SNTG2: variants seen among roughly 807,000 people sequenced by gnomAD.
SNTG2 encodes syntrophin gamma 2, also known as gamma-2-syntrophin.
Under a neutral mutation model 70.9 loss-of-function variants are expected in SNTG2, and 74 were observed. That is an observed-to-expected ratio of 1.04 (90% confidence interval 0.86 to 1.27). SNTG2 has a LOEUF of 1.27. SNTG2 is among the 50% of genes most tolerant of loss of function. SNTG2 has a pLI of 0.00. For missense variants in SNTG2, 717 were observed against 690.7 expected (o/e 1.04, Z -0.43); for synonymous variants, 278 against 273.8 (o/e 1.02, Z -0.15).
rs1553353460 is a variant in SNTG2, at chr2:1,197,523, G to GTATATATA, written c.592-11579_592-11578insATATATAT. ...TATGTGTATGTATATATATGTGTGT[G>GTATATATA]TGTGTGTGTGTGTGTGTGTGTGTGT... On this transcript the variant is annotated intron_variant, in intron 8 of 16. Transcript: ENST00000308624. Among the ~76,000 whole-genome samples the GTATATATA allele has an allele frequency of 8.9e-3, 857 of 96,516 alleles. 5 individuals carry two copies. Among genetic ancestry groups the GTATATATA allele is most frequent in the East Asian group, 0.04 (88 of 2,194 alleles). 63.3% of individuals were successfully genotyped at this position (96,516 alleles called of 152,430 possible). A position where few individuals can be genotyped will look rare whatever the true frequency, so the allele number is the denominator to read the frequency against.
intron 1 of SNTG2, among the ~76,000 whole-genome samples, chr2:1,011,998 A>T (rs1659741861): frequency 6.6e-6 from 1 of 152,232 alleles, no homozygotes; most frequent in African/African-American, 2.4e-5. Context: ...TATTTCAAAT[A>T]TTGACTTAGA....
chr2:1,262,789 A>T (rs1030250451), intron 13 of SNTG2: 4 of 152,168 alleles, frequency 2.6e-5, no homozygotes, highest in African/African-American at 9.7e-5. Flanking sequence ...CAGACGAGGT[A>T]ACCGGAAGGC....
intron 14 of SNTG2, among the ~76,000 whole-genome samples, chr2:1,304,589 G>A (rs962177103): frequency 4.6e-5 from 7 of 152,134 alleles, no homozygotes; most frequent in Non-Finnish European, 8.8e-5. Context: ...AGGCGGGCAT[G>A]GTGGGGGACG....
chr2:1,182,580 T>G lies in SNTG2; in HGVS notation c.591+9397T>G, dbSNP rs1052595515. Among the ~76,000 whole-genome samples, 9 of 152,296 alleles carry G rather than the reference T, an allele frequency of 5.9e-5. No individual in the cohort carries two copies. The East Asian group carries it at 9.7e-4, about 16-fold the overall frequency. Reference sequence around the variant, plus strand: ...GAGTCTGCAATCCGAGAGGAAAGATTGCCTCCCAGGCAGAGATAGCAAATG... The same window carrying G: ...GAGTCTGCAATCCGAGAGGAAAGATGGCCTCCCAGGCAGAGATAGCAAATG... On this transcript the variant is annotated intron_variant, in intron 8 of 16. Coordinates refer to ENST00000308624, the MANE Select transcript of SNTG2 (RefSeq NM_018968.4).
At chr2:1,044,132 C>T (rs1330010965) in intron 1 of SNTG2, among the ~76,000 whole-genome samples, 3 of 151,746 alleles carry the variant, frequency 2.0e-5, no homozygotes, top group African/African-American at 7.3e-5. Flanking sequence ...ACCACCGCTG[C>T]CCCCCCACCC....
At chr2:1,218,651 A>G (rs1472649575) in intron 9 of SNTG2, among the ~76,000 whole-genome samples, 1 of 152,198 alleles carries the variant, frequency 6.6e-6, no homozygotes, top group Non-Finnish European at 1.5e-5. Context: ...TTTGCAAGTG[A>G]GGAAGCTTCA....
At chr2:1,032,105 G>T (rs4971335) in intron 1 of SNTG2, among the ~76,000 whole-genome samples, 57,813 of 151,974 alleles carry the variant, frequency 0.38, 11,323 homozygotes, top group South Asian at 0.44. Flanking sequence ...GGTGGAAGGG[G>T]GACCTGAAAT....
At chr2:1,238,991 G>A (rs568185098) in intron 10 of SNTG2, among the ~76,000 whole-genome samples, 1 of 152,324 alleles carries the variant, frequency 6.6e-6, no homozygotes, top group East Asian at 1.9e-4. Flanking sequence ...CTCCTGTGAA[G>A]ACCTCAGGGG....
At chr2:1,213,218 G>A (rs1384141260) in intron 9 of SNTG2, among the ~76,000 whole-genome samples, 1 of 152,168 alleles carries the variant, frequency 6.6e-6, no homozygotes, top group Non-Finnish European at 1.5e-5. Flanking sequence ...TAGCATTTTT[G>A]TAGTGAAAAT....
chr2:1,084,776 A>G (rs1261891415), intron 2 of SNTG2, among the ~76,000 whole-genome samples: 1 of 152,206 alleles, frequency 6.6e-6, no homozygotes, highest in African/African-American at 2.4e-5. Flanking sequence ...CTTTCCAGAC[A>G]GCGCCTTGAA....
intron 4 of SNTG2, among the ~76,000 whole-genome samples, chr2:1,102,868 C>CT (rs1665869689): frequency 1.3e-5 from 2 of 152,224 alleles, no homozygotes; most frequent in South Asian, 4.1e-4. Context: ...CCGAGTGGAG[C>CT]CAGGCAGCCC....
intron 1 of SNTG2, among the ~76,000 whole-genome samples, chr2:968,878 G>C (rs1487810449): frequency 2.6e-5 from 4 of 151,890 alleles, no homozygotes; most frequent in Admixed American, 6.6e-5. Flanking sequence ...GTTTAATTAG[G>C]TCCTATTTGT....
rs1170893703 is a variant in SNTG2, at chr2:1,308,577, T to G, written c.1368T>G (p.Ser456Arg). 1 of 1,551,564 alleles carries G rather than the reference T, an allele frequency of 6.4e-7. No homozygotes were observed. The highest frequency in any genetic ancestry group is 2.4e-5 in the East Asian group (1 of 40,916). ...CGTTGGGATTTACCTGTTTTGAGAG[T>G]AAGACCAAGGTAAGAGGCCAAGCAG... ...DFALGFTCFESKTKNVLWRFK... is the reference protein window; with the variant it reads ...DFALGFTCFERKTKNVLWRFK... Residue 456 changes from serine (S) to arginine (R), a missense_variant, in exon 15 of 17, where the codon AGT becomes AGG. Transcript: ENST00000308624.
At chr2:1,255,935 A>AAT (rs66538518) in intron 12 of SNTG2, among the ~76,000 whole-genome samples, 10 of 57,876 alleles carry the variant, frequency 1.7e-4, no homozygotes, top group South Asian at 6.9e-4. Flanking sequence ...TAAATATATA[A>AAT]ATATATATAT....
chr2:1,170,261 G>A (rs1409095933), intron 7 of SNTG2, among the ~76,000 whole-genome samples: 4 of 152,176 alleles, frequency 2.6e-5, no homozygotes, highest in South Asian at 4.1e-4. Flanking sequence ...AAAATTCACC[G>A]TTTTAAAGTA....
At chr2:1,024,089 C>T (rs755260434) in intron 1 of SNTG2, among the ~76,000 whole-genome samples, 4 of 152,042 alleles carry the variant, frequency 2.6e-5, no homozygotes, top group South Asian at 2.1e-4. Context: ...GAAGTGGCTG[C>T]GGTAGACATG....
intron 4 of SNTG2, among the ~76,000 whole-genome samples, chr2:1,132,352 C>T (rs527693306): frequency 2.6e-4 from 40 of 152,012 alleles, no homozygotes; most frequent in African/African-American, 8.9e-4. Context: ...TTCAGAGCCA[C>T]GGGGAAGTTG....
At chr2:966,879 G>A (rs1660584857) in intron 1 of SNTG2, among the ~76,000 whole-genome samples, 1 of 152,142 alleles carries the variant, frequency 6.6e-6, no homozygotes, top group Admixed American at 6.5e-5. Flanking sequence ...CCTGGGAGGT[G>A]GGGGTTGCAG....
intron 4 of SNTG2, among the ~76,000 whole-genome samples, chr2:1,128,588 A>C (rs1235922400): frequency 6.6e-6 from 1 of 152,156 alleles, no homozygotes; most frequent in Non-Finnish European, 1.5e-5. Context: ...TTGATAAATG[A>C]ATACAAGCTC....
Sources: gnomAD v4.1 joint callset for allele counts (sites outside exome capture counted in the v4.1 genomes callset) on GRCh38, gnomAD v4.1.1 for gene constraint, MANE v1.5 for transcripts, NCBI Gene and HGNC (gene_info 2026-07-23, HGNC 2026-07-21) for gene names.